ASAP3: variants seen among roughly 807,000 people sequenced by gnomAD.
The protein encoded by ASAP3 is ArfGAP with SH3 domain, ankyrin repeat and PH domain 3.
In ASAP3, 85 loss-of-function variants were observed where a neutral mutation model predicts 118.2. The ratio of observed to expected loss-of-function variants is 0.72; its 90% CI spans 0.60 to 0.86. The LOEUF (loss-of-function observed/expected upper bound fraction) is 0.86. Among genes scored for constraint, ASAP3 ranks in the 40% least tolerant of loss-of-function variants. The pLI, the probability that ASAP3 is intolerant of heterozygous loss-of-function variation, is 0.00. For synonymous variants in ASAP3, 432 were observed against 477.4 expected, an observed-to-expected ratio of 0.90 and a Z score of 1.24; for missense variants, 1,026 against 1,175.0, an observed-to-expected ratio of 0.87 and a Z score of 1.85.
chr1:23,431,316 G>T (rs919040710), intron 23 of ASAP3, among the ~76,000 whole-genome samples, 191 bp from the exon 24 acceptor site: 6 of 152,220 alleles, frequency 3.9e-5, no homozygotes, highest in Non-Finnish European at 7.3e-5. Context: ...GTGGATATCT[G>T]CAGGTCTACT....
At chr1:23,441,880 G>C in intron 7 of ASAP3, 150 bp from the exon 8 acceptor site, 1 of 831,070 alleles carries the variant, frequency 1.2e-6, no homozygotes, top group Non-Finnish European at 1.9e-6. Flanking sequence ...ATAGACAAGA[G>C]TCTCTCTTGA....
chr1:23,438,601 G>C lies in ASAP3; in HGVS notation c.1102+146C>G. On this transcript the variant is annotated intron_variant, in intron 12 of 24. Coordinates refer to ENST00000336689, the MANE Select transcript of ASAP3 (RefSeq NM_017707.4). This position sits in a 1 kb window ranked among gnomAD's most constrained non-coding sequence, Gnocchi z 4.9. ...TGTGATGTGGGTATCCTAGACCTAAGGATTCTTATGTCTGCAGTAGCAGCA... is the reference window on the plus strand; with the variant it reads ...TGTGATGTGGGTATCCTAGACCTAACGATTCTTATGTCTGCAGTAGCAGCA... 2 of 648,652 alleles carry C rather than the reference G, an allele frequency of 3.1e-6. No individual in the cohort carries two copies. The highest frequency in any genetic ancestry group is 5.4e-6 in the Non-Finnish European group (2 of 373,636). The allele number at this position is 648,652 out of a possible 1,614,324, so 40.2% of individuals were successfully genotyped here. A position where few individuals can be genotyped will look rare whatever the true frequency, so the allele number is the denominator to read the frequency against.
chr1:23,438,872 T>A lies in ASAP3; in HGVS notation c.1015-38A>T. 1 of 1,593,148 alleles carries A rather than the reference T, an allele frequency of 6.3e-7. No homozygotes were observed. The highest frequency in any genetic ancestry group is 8.6e-7 in the Non-Finnish European group (1 of 1,161,290). On this transcript the variant is annotated intron_variant, in intron 11 of 24. Coordinates refer to ENST00000336689, the MANE Select transcript of ASAP3 (RefSeq NM_017707.4). The surrounding 1 kb of genome is among the most constrained non-coding windows in gnomAD (Gnocchi z 4.9). ...AGGGGCGGAGGATGTATGCATTACC[T>A]CTGGCCCTCCACATTCTTTAGGCCT...
rs1641731926 is a variant in ASAP3 at position 23,465,359 on chromosome 1, C to T, written c.130-9165G>A. Reference sequence around the variant, plus strand: ...GTCCCAAGTGCCTGCTCTGTGCAGCCTCATTACTTGTCACTATCCTGGCCA... The same window carrying T: ...GTCCCAAGTGCCTGCTCTGTGCAGCTTCATTACTTGTCACTATCCTGGCCA... On this transcript the variant is annotated intron_variant, in intron 1 of 24. Transcript: ENST00000336689. 6.6e-5 allele frequency among the ~76,000 whole-genome samples: 10 copies of T among 152,332 alleles called. No individual in the cohort carries two copies. In the South Asian group the frequency reaches 2.1e-3, roughly 32 times the overall value.
chr1:23,451,152 GGT>G (rs1196762366), intron 5 of ASAP3, among the ~76,000 whole-genome samples: 2 of 152,152 alleles, frequency 1.3e-5, no homozygotes, highest in African/African-American at 4.8e-5. Context: ...CACATGACAG[GGT>G]GACTGTGAAG....
At chr1:23,479,187 T>C (rs1403979943) in intron 1 of ASAP3, among the ~76,000 whole-genome samples, 1 of 152,186 alleles carries the variant, frequency 6.6e-6, no homozygotes, top group East Asian at 1.9e-4. Flanking sequence ...CTTTAGACAC[T>C]GGCCCAGTGA....
At chr1:23,470,779 G>A (rs762726182) in intron 1 of ASAP3, among the ~76,000 whole-genome samples, 9 of 152,316 alleles carry the variant, frequency 5.9e-5, no homozygotes, top group Non-Finnish European at 1.3e-4. Context: ...CTTACCGGCT[G>A]TCCCTTGTGG....
At chr1:23,439,045 C>A in intron 11 of ASAP3, 116 bp downstream of exon 11, 2 of 1,358,964 alleles carry the variant, frequency 1.5e-6, no homozygotes, top group East Asian at 2.3e-5. Context: ...GTCTCCAGCT[C>A]CCTGGACCTA....
Position 23,436,663 on chromosome 1 carries a change from G to A in ASAP3, c.1477-9C>T, listed in dbSNP as rs759002372. 5 of 1,614,146 alleles carry A rather than the reference G, an allele frequency of 3.1e-6. No individual in the cohort carries two copies. The East Asian group carries it at 6.7e-5, about 22-fold the overall frequency. On this transcript the variant is annotated splice_polypyrimidine_tract_variant and intron_variant, in intron 15 of 24. Transcript: ENST00000336689. This position sits in a 1 kb window ranked among gnomAD's most constrained non-coding sequence, Gnocchi z 4.2. ...CCCATGTTCAAGGCCAGCTGGAGTC[G>A]TAGGAAAATAGACGTGGGGCGGAGT...
chr1:23,450,881 AG>A (rs1641192209), intron 5 of ASAP3, among the ~76,000 whole-genome samples: 1 of 152,238 alleles, frequency 6.6e-6, no homozygotes, highest in Non-Finnish European at 1.5e-5. Flanking sequence ...GTCTCTGCCC[AG>A]GAGGAATTGG....
Position 23,484,175 on chromosome 1 carries a change from G to A in ASAP3, c.-42C>T, listed in dbSNP as rs1199018404. The A allele has an allele frequency of 2.3e-5, 28 of 1,238,854 alleles. 1 individual carries two copies. In the South Asian group the frequency reaches 3.7e-4, roughly 16 times the overall value. 76.7% of individuals were successfully genotyped at this position (1,238,854 alleles called of 1,614,324 possible). ...GAGCTGCCGGAGCGGGGCGCGGGGG[G>A]CACTGAGCTGCTCCGCGCTGAGCCG... On this transcript the variant is annotated 5_prime_UTR_variant, in exon 1 of 25. Coordinates refer to ENST00000336689, the MANE Select transcript of ASAP3 (RefSeq NM_017707.4).
chr1:23,440,311 C>T (rs1278160475), intron 10 of ASAP3, among the ~76,000 whole-genome samples: 3 of 146,836 alleles, frequency 2.0e-5, no homozygotes, highest in African/African-American at 7.5e-5. Context: ...ACCATCCTGG[C>T]TAACACGGTG....
rs546132816 is a variant in ASAP3 at position 23,470,162 on chromosome 1, C to T, written c.129+13843G>A. 2.0e-5 allele frequency among the ~76,000 whole-genome samples: 3 copies of T among 152,238 alleles called. No individual in the cohort carries two copies. The South Asian group carries it at 6.2e-4, about 32-fold the overall frequency. ...CTTCCTCCTTCTATGCCTCAGTTTCCTCATCTGTCCAATTTTGAGCTAACA... is the reference window on the plus strand; with the variant it reads ...CTTCCTCCTTCTATGCCTCAGTTTCTTCATCTGTCCAATTTTGAGCTAACA... On this transcript the variant is annotated intron_variant, in intron 1 of 24. Transcript: ENST00000336689.
chr1:23,464,335 C>T (rs12142432), intron 1 of ASAP3, among the ~76,000 whole-genome samples: 5,754 of 151,748 alleles, frequency 0.038, 145 homozygotes, highest in Middle Eastern at 0.15. Context: ...TACAGGTGCC[C>T]GCCACCATGC....
intron 1 of ASAP3, among the ~76,000 whole-genome samples, chr1:23,457,097 A>C (rs927200053): frequency 9.2e-5 from 14 of 152,264 alleles, no homozygotes; most frequent in African/African-American, 3.4e-4. Context: ...GAAAACACAG[A>C]ATGTCGAGCT....
intron 21 of ASAP3, 62 bp from the exon 22 acceptor site, chr1:23,433,334 C>T: frequency 6.2e-7 from 1 of 1,610,076 alleles, no homozygotes; most frequent in South Asian, 1.1e-5. Flanking sequence ...CCCTGTCCCC[C>T]CGCCTCACCG....
chr1:23,447,683 C>G (rs766617491), intron 5 of ASAP3, among the ~76,000 whole-genome samples: 12 of 152,182 alleles, frequency 7.9e-5, no homozygotes, highest in Non-Finnish European at 1.2e-4. Context: ...GTAGTAAATA[C>G]TGGTGATCCC....
At chr1:23,452,897 A>T (rs1317284777) in intron 3 of ASAP3, 126 bp from the exon 4 acceptor site, 2 of 914,462 alleles carry the variant, frequency 2.2e-6, no homozygotes, top group African/African-American at 3.3e-5. Context: ...GGAGAGGAAA[A>T]GATGTTATCA....
At chr1:23,434,695 T>G in intron 17 of ASAP3, 77 bp from the exon 18 acceptor site, 4 of 1,399,236 alleles carry the variant, frequency 2.9e-6, no homozygotes, top group South Asian at 2.5e-5. Flanking sequence ...TCTTGAACTC[T>G]TGCTAACCCC....
Sources: allele counts gnomAD v4.1 joint callset (sites outside exome capture counted in the v4.1 genomes callset), GRCh38; gene constraint gnomAD v4.1.1; non-coding constraint Gnocchi (gnomAD v3.1); transcripts MANE v1.5; gene names NCBI Gene and HGNC (gene_info 2026-07-23, HGNC 2026-07-21).